TSHZ2: variants seen among roughly 807,000 people sequenced by gnomAD.
TSHZ2 encodes teashirt homolog 2.
Under a neutral mutation model 74.4 loss-of-function variants are expected in TSHZ2, and 21 were observed. The ratio of observed to expected loss-of-function variants is 0.28; its 90% CI spans 0.20 to 0.41. The LOEUF is 0.41. Ranked by LOEUF, TSHZ2 falls within the 10% of genes least tolerant of loss-of-function variation. TSHZ2 has a pLI of 1.00. For synonymous variants in TSHZ2, 540 were observed against 515.3 expected, an observed-to-expected ratio of 1.05 and a Z score of -0.65; for missense variants, 1,244 against 1,293.5, an observed-to-expected ratio of 0.96 and a Z score of 0.59.
intron 2 of TSHZ2, among the ~76,000 whole-genome samples, chr20:53,277,234 C>T (rs1284010736): frequency 6.6e-6 from 1 of 151,682 alleles, no homozygotes; most frequent in Non-Finnish European, 1.5e-5. Context: ...ATTAATTGGC[C>T]CTAAAAGTAT....
intron 2 of TSHZ2, among the ~76,000 whole-genome samples, chr20:53,284,217 C>T (rs1303965471): frequency 6.6e-6 from 1 of 152,190 alleles, no homozygotes; most frequent in East Asian, 1.9e-4. Context: ...TGGACCGCCA[C>T]CTCCATCTTA....
chr20:53,258,493 T>C (rs1033602592), intron 2 of TSHZ2, among the ~76,000 whole-genome samples: 3 of 152,178 alleles, frequency 2.0e-5, no homozygotes, highest in Non-Finnish European at 4.4e-5. Flanking sequence ...CAAAGACCAC[T>C]TTTCCACCTG....
chr20:53,025,827 C>T (rs1291048077), intron 1 of TSHZ2, among the ~76,000 whole-genome samples: 1 of 152,244 alleles, frequency 6.6e-6, no homozygotes, highest in Non-Finnish European at 1.5e-5. Flanking sequence ...TTCCAATTCT[C>T]TCCTATTTAT....
chr20:53,417,140 G>A (rs1436018283), intron 2 of TSHZ2, among the ~76,000 whole-genome samples: 2 of 151,630 alleles, frequency 1.3e-5, no homozygotes, highest in East Asian at 1.9e-4. Context: ...ACTCCTTCCA[G>A]TAGAAAACCA....
At chr20:53,069,503 A>G (rs917742312) in intron 1 of TSHZ2, among the ~76,000 whole-genome samples, 11 of 152,106 alleles carry the variant, frequency 7.2e-5, no homozygotes, top group Non-Finnish European at 2.9e-5. Flanking sequence ...CATCTACCAA[A>G]ACAGAATCAT....
At chr20:53,285,132 C>A (rs1991140481) in intron 2 of TSHZ2, among the ~76,000 whole-genome samples, 1 of 152,124 alleles carries the variant, frequency 6.6e-6, no homozygotes, top group Non-Finnish European at 1.5e-5. Context: ...ATTTCCCAAA[C>A]TTAAGAACTG....
chr20:53,264,533 A>G (rs1309000768), intron 2 of TSHZ2, among the ~76,000 whole-genome samples: 1 of 152,204 alleles, frequency 6.6e-6, no homozygotes, highest in Non-Finnish European at 1.5e-5. Context: ...CAAAGAGTGG[A>G]ATCTTCTTGC....
At chr20:53,160,024 G>C (rs1294332650) in intron 1 of TSHZ2, among the ~76,000 whole-genome samples, 1 of 152,184 alleles carries the variant, frequency 6.6e-6, no homozygotes, top group Non-Finnish European at 1.5e-5. Context: ...CAGGTGAAGA[G>C]GAGAGGGAAG....
chr20:53,128,405 C>T (rs928681287), intron 1 of TSHZ2, among the ~76,000 whole-genome samples: 1 of 151,992 alleles, frequency 6.6e-6, no homozygotes, highest in Non-Finnish European at 1.5e-5. Context: ...TTCACTGGGG[C>T]CAGTGAATTT....
chr20:53,446,028 A>G (rs928255720), intron 2 of TSHZ2, among the ~76,000 whole-genome samples: 1 of 151,676 alleles, frequency 6.6e-6, no homozygotes, highest in Non-Finnish European at 1.5e-5. Flanking sequence ...TGCACCAACA[A>G]CCCCAGTACT....
chr20:53,051,092 A>G (rs1386692960), intron 1 of TSHZ2, among the ~76,000 whole-genome samples: 5 of 152,198 alleles, frequency 3.3e-5, no homozygotes, highest in African/African-American at 9.7e-5. Flanking sequence ...TAATCCCAAC[A>G]CTTTGGGAGG....
chr20:53,310,921 C>G (rs1486641673), intron 2 of TSHZ2, among the ~76,000 whole-genome samples: 1 of 152,178 alleles, frequency 6.6e-6, no homozygotes, highest in Non-Finnish European at 1.5e-5. Context: ...GAAAAACATG[C>G]ACATCAAGAA....
intron 2 of TSHZ2, among the ~76,000 whole-genome samples, chr20:53,318,874 T>C (rs1386731875): frequency 6.6e-6 from 1 of 152,172 alleles, no homozygotes; most frequent in African/African-American, 2.4e-5. Context: ...TTTAATGGAC[T>C]CACAGTTCCA....
intron 1 of TSHZ2, among the ~76,000 whole-genome samples, chr20:53,025,866 C>T (rs969744479): frequency 7.9e-5 from 12 of 152,122 alleles, no homozygotes; most frequent in South Asian, 2.1e-4. Context: ...AGGAGCTCTT[C>T]GACTGCCAGT....
intron 1 of TSHZ2, among the ~76,000 whole-genome samples, chr20:53,081,106 G>T (rs1333908827): frequency 6.6e-6 from 1 of 152,140 alleles, no homozygotes; most frequent in African/African-American, 2.4e-5. Flanking sequence ...GCCTCAAACT[G>T]CTGGGCTCAA....
rs148876455 is a variant in TSHZ2 at position 53,131,848 on chromosome 20, C to T, written c.41-121651C>T. On this transcript the variant is annotated intron_variant, in intron 1 of 2. Transcript: ENST00000371497. ...CCCCCCCCCCCCAAAAAAAAAAAGC[C>T]ACACTAGCAATCCTAGTCTCTCAGA... 9.8e-3 allele frequency among the ~76,000 whole-genome samples: 1,293 copies of T among 132,544 alleles called. 51 individuals carry two copies. The highest frequency in any genetic ancestry group is 0.033 in the African/African-American group (1,207 of 36,954). The allele number at this position is 132,544 out of a possible 152,430, so 87.0% of individuals were successfully genotyped here.
intron 1 of TSHZ2, among the ~76,000 whole-genome samples, chr20:53,221,390 TA>T (rs1203115293): frequency 6.6e-6 from 1 of 152,224 alleles, no homozygotes; most frequent in Non-Finnish European, 1.5e-5. Context: ...TAACTACATT[TA>T]AAAATAAATA....
At chr20:53,169,897 A>G (rs1304723572) in intron 1 of TSHZ2, among the ~76,000 whole-genome samples, 1 of 152,240 alleles carries the variant, frequency 6.6e-6, no homozygotes. Context: ...TATGGTATGT[A>G]TACTTATACA....
intron 2 of TSHZ2, among the ~76,000 whole-genome samples, chr20:53,394,859 CAAAAAAAAAA>C (rs1005992034): frequency 6.8e-5 from 3 of 44,116 alleles, no homozygotes; most frequent in African/African-American, 1.5e-4. Context: ...CAGAACTCAC[CAAAAAAAAAA>C]AAAAAAAAAA....
Sources: gnomAD v4.1 joint callset for allele counts (sites outside exome capture counted in the v4.1 genomes callset) on GRCh38, gnomAD v4.1.1 for gene constraint, MANE v1.5 for transcripts, NCBI Gene and HGNC (gene_info 2026-07-23, HGNC 2026-07-21) for gene names.